Variants in ZNF469 observed in about 807,000 individuals in gnomAD.
The protein encoded by ZNF469 is zinc finger protein 469.
ZNF469 carries 1 observed loss-of-function variant against 1.0 expected under a neutral mutation model. The observed-to-expected ratio is 1.00, with a 90% CI of 0.35 to 4.73. ZNF469 has a LOEUF of 4.73. Ranked by LOEUF, ZNF469 falls within the 30% of genes most tolerant of loss-of-function variation. ZNF469 has a pLI of 0.16. For missense variants in ZNF469, 6,100 were observed against 5,356.3 expected (o/e 1.14, Z -4.33); for synonymous variants, 2,703 against 2,363.4 (o/e 1.14, Z -4.17).
chr16:88,196,776 A>G, the ZNF469 span, among the ~76,000 whole-genome samples: 1 of 152,180 alleles, frequency 6.6e-6, no homozygotes, highest in Non-Finnish European at 1.5e-5. Context: ...GCTCAAGGCC[A>G]CACAGCCAGG....
At chr16:88,296,380 A>G in the ZNF469 span, among the ~76,000 whole-genome samples, 1 of 152,090 alleles carries the variant, frequency 6.6e-6, no homozygotes, top group Non-Finnish European at 1.5e-5. Flanking sequence ...GCACACATAC[A>G]CAGGTGCACA....
chr16:88,273,567 C>T, the ZNF469 span, among the ~76,000 whole-genome samples: 4 of 152,222 alleles, frequency 2.6e-5, no homozygotes, highest in African/African-American at 9.6e-5. Context: ...ATGTAAATGG[C>T]ACCGCATCTG....
the ZNF469 span, among the ~76,000 whole-genome samples, chr16:88,248,327 G>C: frequency 3.3e-5 from 5 of 152,198 alleles, no homozygotes; most frequent in Non-Finnish European, 7.3e-5. Context: ...CGGTCAAATG[G>C]ATCCGTGTCT....
the ZNF469 span, among the ~76,000 whole-genome samples, chr16:88,122,744 A>G: frequency 5.3e-5 from 8 of 152,362 alleles, no homozygotes; most frequent in South Asian, 1.0e-3. Context: ...GTGTGTGTAC[A>G]TAAATATACT....
the ZNF469 span, among the ~76,000 whole-genome samples, chr16:88,374,004 T>TA: frequency 0.13 from 18,165 of 143,310 alleles, 1,141 homozygotes; most frequent in Middle Eastern, 0.2. Flanking sequence ...TGTCTAAAAT[T>TA]AAAAAAAAAA....
At chr16:88,386,782 A>G (rs985022037) in intron 1 of ZNF469, among the ~76,000 whole-genome samples, 1 of 152,154 alleles carries the variant, frequency 6.6e-6, no homozygotes, top group Admixed American at 6.5e-5. Context: ...GACCTGCTAC[A>G]TGCTGGGGGC....
chr16:88,341,670 G>A, the ZNF469 span, among the ~76,000 whole-genome samples: 86 of 152,334 alleles, frequency 5.6e-4, no homozygotes, highest in African/African-American at 1.9e-3. Context: ...TGGGTATCTC[G>A]GTTTTGCCAT....
chr16:88,135,153 C>T, the ZNF469 span, among the ~76,000 whole-genome samples: 8 of 152,224 alleles, frequency 5.3e-5, no homozygotes, highest in Admixed American at 2.0e-4. Context: ...TATTGGCCTG[C>T]GGACCCGAGC....
the ZNF469 span, among the ~76,000 whole-genome samples, chr16:88,141,359 C>T: frequency 1.4e-5 from 2 of 140,840 alleles, no homozygotes; most frequent in South Asian, 2.3e-4. Flanking sequence ...CCGGGAAAGA[C>T]GCCCTGGGAG....
the ZNF469 span, among the ~76,000 whole-genome samples, chr16:88,120,411 G>C: frequency 6.6e-6 from 1 of 152,284 alleles, no homozygotes; most frequent in Non-Finnish European, 1.5e-5. Context: ...CATCGGGCCG[G>C]CGGGACGCAT....
chr16:88,409,024 C>A (rs1262290541), intron 1 of ZNF469, among the ~76,000 whole-genome samples: 1 of 152,234 alleles, frequency 6.6e-6, no homozygotes, highest in Non-Finnish European at 1.5e-5. Context: ...GGGGGGCCCT[C>A]CCTAGCTGCA....
the ZNF469 span, among the ~76,000 whole-genome samples, chr16:88,125,397 A>G: frequency 6.6e-6 from 1 of 152,256 alleles, no homozygotes; most frequent in Non-Finnish European, 1.5e-5. Context: ...AAAGACGGAG[A>G]AAGAGGGAAT....
At chr16:88,143,458 C>T in the ZNF469 span, among the ~76,000 whole-genome samples, 10 of 152,028 alleles carry the variant, frequency 6.6e-5, no homozygotes, top group African/African-American at 2.4e-4. Context: ...TACAGATGCC[C>T]CCCCACTCCT....
the ZNF469 span, among the ~76,000 whole-genome samples, chr16:88,137,127 C>T: frequency 6.6e-6 from 1 of 152,044 alleles, no homozygotes; most frequent in African/African-American, 2.4e-5. Context: ...CAGCCATGTG[C>T]ACATACAACC....
At chr16:88,358,863 C>T in the ZNF469 span, among the ~76,000 whole-genome samples, 3 of 152,048 alleles carry the variant, frequency 2.0e-5, no homozygotes, top group African/African-American at 4.8e-5. Flanking sequence ...GAATTACAGG[C>T]GCGTGCCACC....
the ZNF469 span, among the ~76,000 whole-genome samples, chr16:88,111,258 T>G: frequency 1.3e-5 from 2 of 152,214 alleles, no homozygotes; most frequent in Non-Finnish European, 2.9e-5. Context: ...TCTAAAGACT[T>G]TTTTTTGTGG....
chr16:88,259,856 C>T, the ZNF469 span, among the ~76,000 whole-genome samples: 2 of 152,186 alleles, frequency 1.3e-5, no homozygotes, highest in Non-Finnish European at 2.9e-5. This position sits in a 1 kb window ranked among gnomAD's most constrained non-coding sequence, Gnocchi z 4.1. Flanking sequence ...ATCTGAGCAG[C>T]AGAGCTGATG....
At chr16:88,281,762 G>A in the ZNF469 span, among the ~76,000 whole-genome samples, 4 of 150,102 alleles carry the variant, frequency 2.7e-5, no homozygotes, top group South Asian at 8.4e-4. Context: ...ACCATGCATG[G>A]GTTAGTACTG....
At chr16:88,116,859 A>C in the ZNF469 span, among the ~76,000 whole-genome samples, 1 of 152,044 alleles carries the variant, frequency 6.6e-6, no homozygotes, top group Non-Finnish European at 1.5e-5. Flanking sequence ...AGCTGGAGGC[A>C]GCCTGTGATG....
Sources: allele counts gnomAD v4.1 joint callset (sites outside exome capture counted in the v4.1 genomes callset), GRCh38; gene constraint gnomAD v4.1.1; non-coding constraint Gnocchi (gnomAD v3.1); transcripts MANE v1.5; gene names NCBI Gene and HGNC (gene_info 2026-07-23, HGNC 2026-07-21).